The following SSUH2 variants were observed in gnomAD, a reference collection of about 807,000 sequenced individuals.
The protein encoded by SSUH2 is ssu-2 homolog.
SSUH2 carries 47 observed loss-of-function variants against 55.3 expected under a neutral mutation model. The ratio of observed to expected loss-of-function variants is 0.85; its 90% CI spans 0.67 to 1.08. The LOEUF is 1.08. Ranked by LOEUF, SSUH2 falls within the 50% of genes least tolerant of loss-of-function variation. The probability of loss-of-function intolerance (pLI) is 0.00; values close to 1 mark genes in which losing one functional copy is unlikely to be tolerated. For synonymous variants in SSUH2, 212 were observed against 191.5 expected (o/e 1.11, Z -0.89); for missense variants, 535 against 490.7 (o/e 1.09, Z -0.85).
chr3:8,643,218 C>A (rs937386564), intron 1 of SSUH2, among the ~76,000 whole-genome samples: 1 of 152,064 alleles, frequency 6.6e-6, no homozygotes, highest in Non-Finnish European at 1.5e-5. Flanking sequence ...TTTGATCAAT[C>A]CTGCAAGATG....
intron 6 of SSUH2, 97 bp from the exon 7 acceptor site, chr3:8,629,823 G>C (rs1698407032): frequency 8.6e-7 from 1 of 1,163,330 alleles, no homozygotes; most frequent in Admixed American, 1.7e-5. Flanking sequence ...AGTGGATCAG[G>C]ACCAGGATAG....
Position 8,635,280 on chromosome 3 carries a change from G to C in SSUH2, c.209+20C>G. The C allele has an allele frequency of 6.5e-7, 1 of 1,526,852 alleles. No homozygotes were observed. Among genetic ancestry groups the C allele is most frequent in the South Asian group, 1.2e-5 (1 of 83,666 alleles). The allele number at this position is 1,526,852 out of a possible 1,614,324, so 94.6% of individuals were successfully genotyped here. A position where few individuals can be genotyped will look rare whatever the true frequency, so the allele number is the denominator to read the frequency against. ...GACATAGGAAATGCACACAGTCACA[G>C]AGTACAACCTGAAACTCACCTGTGT... On this transcript the variant is annotated intron_variant, in intron 3 of 11. Transcript: ENST00000544814.
chr3:8,633,640 G>GC (rs2125183349), intron 4 of SSUH2, 26 bp downstream of exon 4: 4 of 1,493,024 alleles, frequency 2.7e-6, no homozygotes, highest in Admixed American at 2.4e-5. Context: ...CCCGGCCAAG[G>GC]CCCCCCACCG....
intron 10 of SSUH2, among the ~76,000 whole-genome samples, chr3:8,624,088 C>T (rs1338331369): frequency 2.6e-5 from 4 of 152,224 alleles, no homozygotes; most frequent in Non-Finnish European, 4.4e-5. Context: ...TAAGCCCAGG[C>T]GCTTGCACTC....
At position 8,623,662 on chromosome 3, in the gene SSUH2, GGAAA is replaced by G. The variant is rs1255634301; in HGVS notation, c.874-10_874-7del. Reference sequence around the variant, plus strand: ...AAGTCCACGATGGGGTACACCTGGGGGAAAGAGAGAGAGACACAGACCACCTGGC... The same window carrying G: ...AAGTCCACGATGGGGTACACCTGGGGGAGAGAGAGACACAGACCACCTGGC... On this transcript the variant is annotated splice_region_variant and splice_polypyrimidine_tract_variant and intron_variant, in intron 10 of 11. Transcript: ENST00000544814. 6.8e-7 allele frequency: 1 copy of G among 1,474,266 alleles called. No homozygotes were observed. Among genetic ancestry groups the G allele is most frequent in the Non-Finnish European group, 9.2e-7 (1 of 1,085,478 alleles). The allele number at this position is 1,474,266 out of a possible 1,614,324, so 91.3% of individuals were successfully genotyped here. A position where few individuals can be genotyped will look rare whatever the true frequency, so the allele number is the denominator to read the frequency against.
chr3:8,623,077 G>A (rs976714912), intron 11 of SSUH2, among the ~76,000 whole-genome samples: 2 of 152,196 alleles, frequency 1.3e-5, no homozygotes, highest in Non-Finnish European at 2.9e-5. Context: ...TGGGGATGTA[G>A]CAGCCACCAC....
rs145883799 is a variant in SSUH2, at chr3:8,680,305, A to G, written c.-1045-456T>C. 4.7e-4 allele frequency among the ~76,000 whole-genome samples: 71 copies of G among 151,828 alleles called. No individual in the cohort carries two copies. In the East Asian group the frequency reaches 5.4e-3, roughly 12 times the overall value. Reference sequence around the variant, plus strand: ...AGGCCCCCCATGCTGTGGTGACTGAAAGCCAGCCCCTCTTCCCTCTCTGGC... The same window carrying G: ...AGGCCCCCCATGCTGTGGTGACTGAGAGCCAGCCCCTCTTCCCTCTCTGGC... On this transcript the variant is annotated intron_variant, in intron 1 of 18. Transcript: ENST00000317371.
At chr3:8,638,405 G>C (rs1700266491) in intron 1 of SSUH2, among the ~76,000 whole-genome samples, 1 of 152,170 alleles carries the variant, frequency 6.6e-6, no homozygotes, top group Non-Finnish European at 1.5e-5. Flanking sequence ...CTACAAGGAA[G>C]GTAAATAGAA....
chr3:8,640,724 G>T (rs891359614), intron 1 of SSUH2, among the ~76,000 whole-genome samples: 1 of 152,136 alleles, frequency 6.6e-6, no homozygotes, highest in African/African-American at 2.4e-5. Flanking sequence ...GGGAGCCATT[G>T]AAAAAATATT....
At chr3:8,645,168 G>T (rs1231183623), upstream of SSUH2, among the ~76,000 whole-genome samples, 1 of 152,164 alleles carries the variant, frequency 6.6e-6, no homozygotes, top group African/African-American at 2.4e-5. Context: ...AGTATTGTAG[G>T]GCGCATGCAG....
At chr3:8,622,473 A>C (rs1199928919) in intron 11 of SSUH2, among the ~76,000 whole-genome samples, 1 of 152,100 alleles carries the variant, frequency 6.6e-6, no homozygotes, top group Non-Finnish European at 1.5e-5. Flanking sequence ...AAAAACTACA[A>C]GTTTTCATCT....
chr3:8,639,536 A>G (rs1347639339), intron 1 of SSUH2, among the ~76,000 whole-genome samples: 1 of 152,216 alleles, frequency 6.6e-6, no homozygotes, highest in Non-Finnish European at 1.5e-5. Context: ...GAATGTTGAG[A>G]AGACTTTGCA....
intron 1 of SSUH2, among the ~76,000 whole-genome samples, chr3:8,644,125 C>T (rs1246893475): frequency 6.6e-6 from 1 of 152,124 alleles, no homozygotes; most frequent in Non-Finnish European, 1.5e-5. Flanking sequence ...TCTGAGAATC[C>T]ATTGTATTTC....
chr3:8,667,209 G>C (rs1256904153), intron 5 of SSUH2, among the ~76,000 whole-genome samples: 1 of 152,296 alleles, frequency 6.6e-6, no homozygotes, highest in South Asian at 2.1e-4. Flanking sequence ...GGAGTGGATT[G>C]TTCATGAGTT....
rs1698354925 is a variant in SSUH2, at chr3:8,629,652, C to CAGATGACTCACCAGTGGTTCAT, written c.588+11_588+12insATGAACCACTGGTGAGTCATCT. 2 of 1,613,968 alleles carry CAGATGACTCACCAGTGGTTCAT rather than the reference C, an allele frequency of 1.2e-6. No individual in the cohort carries two copies. The highest frequency in any genetic ancestry group is 1.1e-5 in the South Asian group (1 of 91,072). ...CCCTCACTGACTCACCAGTGGTTCA[C>CAGATGACTCACCAGTGGTTCAT]AGATGACTCACCGTGCCCGCCCCGT... On this transcript the variant is annotated intron_variant, in intron 7 of 11. Coordinates refer to ENST00000544814, the MANE Select transcript of SSUH2 (RefSeq NM_001256748.3).
intron 10 of SSUH2, 31 bp downstream of exon 10, chr3:8,625,511 T>G: frequency 7.1e-7 from 1 of 1,408,870 alleles, no homozygotes; most frequent in South Asian, 1.2e-5. Context: ...GAACCCAGCT[T>G]CCTTTGTTCC....
intron 4 of SSUH2, chr3:8,671,883 C>T (rs1228347312): frequency 6.8e-6 from 1 of 146,680 alleles, no homozygotes; most frequent in Non-Finnish European, 1.5e-5. Flanking sequence ...ATATCACCCC[C>T]CTCTCCCCAC....
At chr3:8,635,698 C>T (rs1699811571) in intron 2 of SSUH2, 61 bp downstream of exon 2, 1 of 1,421,202 alleles carries the variant, frequency 7.0e-7, no homozygotes, top group South Asian at 1.3e-5. Context: ...CCCGAGACAT[C>T]CCACCAACCA....
At chr3:8,644,687 T>C (rs1395872914) in intron 1 of SSUH2, 44 bp downstream of exon 1, 5 of 1,522,082 alleles carry the variant, frequency 3.3e-6, no homozygotes, top group Non-Finnish European at 4.4e-6. Context: ...CAGGCTAAAA[T>C]ATCTCCACAC....
Sources: gnomAD v4.1 joint callset for allele counts (sites outside exome capture counted in the v4.1 genomes callset) on GRCh38, gnomAD v4.1.1 for gene constraint, MANE v1.5 for transcripts, NCBI Gene and HGNC (gene_info 2026-07-23, HGNC 2026-07-21) for gene names.